Variants in CACNA1C observed in about 807,000 individuals in gnomAD.
The protein encoded by CACNA1C is calcium voltage-gated channel subunit alpha1 C, also known as voltage-dependent L-type calcium channel subunit alpha-1C.
CACNA1C carries 30 observed loss-of-function variants against 229.0 expected under a neutral mutation model. The ratio of observed to expected loss-of-function variants is 0.13; its 90% CI spans 0.10 to 0.18. The LOEUF (loss-of-function observed/expected upper bound fraction) is 0.18, where lower values mean the gene tolerates loss of function less well. Among genes scored for constraint, CACNA1C ranks in the 10% least tolerant of loss-of-function variants. CACNA1C has a pLI of 1.00. For synonymous variants in CACNA1C, 1,114 were observed against 1,132.5 expected (o/e 0.98, Z 0.33); for missense variants, 1,658 against 2,845.0 (o/e 0.58, Z 9.49).
At chr12:2,169,047 C>T (rs991652643) in intron 3 of CACNA1C, among the ~76,000 whole-genome samples, 2 of 152,126 alleles carry the variant, frequency 1.3e-5, no homozygotes, top group African/African-American at 4.8e-5. Context: ...AAAGTCCAGC[C>T]GCTCGCCTTC....
At chr12:2,025,970 A>G (rs1296131882) in intron 1 of CACNA1C, among the ~76,000 whole-genome samples, 1 of 152,254 alleles carries the variant, frequency 6.6e-6, no homozygotes, top group East Asian at 1.9e-4. Flanking sequence ...CAATAACAGA[A>G]CAAATTATTA....
Position 2,688,574 on chromosome 12 carries a change from C to T in CACNA1C, c.5912C>T (p.Thr1971Ile). Reference protein sequence around the residue: ...SRGWPPQPVPTLRLEGVESSE... With the variant: ...SRGWPPQPVPILRLEGVESSE... ...GGCTGGCCCCCACAGCCCGTCCCCACCCTGCGGCTTGAGGGGGTCGAGTCC... is the reference window on the plus strand; with the variant it reads ...GGCTGGCCCCCACAGCCCGTCCCCATCCTGCGGCTTGAGGGGGTCGAGTCC... Residue 1971 changes from threonine (T) to isoleucine (I), a missense_variant, in exon 46 of 47, where the codon ACC becomes ATC. By Grantham distance (89) the Thr-to-Ile change is moderately conservative (BLOSUM62 -1). Transcript: ENST00000399655. 1 of 1,614,034 alleles carries T rather than the reference C, an allele frequency of 6.2e-7. No homozygotes were observed. Among genetic ancestry groups the T allele is most frequent in the Non-Finnish European group, 8.5e-7 (1 of 1,179,900 alleles).
intron 15 of CACNA1C, among the ~76,000 whole-genome samples, chr12:2,583,248 G>A (rs1419289740): frequency 6.6e-6 from 1 of 152,240 alleles, no homozygotes; most frequent in Admixed American, 6.5e-5. Context: ...CCTGCGATAG[G>A]GACGCGCGGG....
rs745771028 is a variant in CACNA1C, at chr12:2,258,420, CAA to C, written c.477+137991_477+137992del. 8.5e-3 allele frequency among the ~76,000 whole-genome samples: 1,296 copies of C among 152,006 alleles called. 15 individuals are homozygous for C. Among genetic ancestry groups the C allele is most frequent in the African/African-American group, 0.03 (1,244 of 41,432 alleles). On this transcript the variant is annotated intron_variant, in intron 3 of 46. Transcript: ENST00000399655. The stretch of plus-strand genomic sequence containing the variant: ...AATTTTTGAAAACTCATTTTTTCCT[CAA>C]GTTTTTTTTTTAAATGTGAAATTTT...
chr12:2,258,057 A>G (rs947892808), intron 3 of CACNA1C, among the ~76,000 whole-genome samples: 1 of 152,276 alleles, frequency 6.6e-6, no homozygotes, highest in Admixed American at 6.5e-5. Context: ...AGAGGGAGGC[A>G]GAGTTTCTTT....
chr12:1,986,170 T>C (rs2037719181), intron 1 of CACNA1C, among the ~76,000 whole-genome samples: 1 of 152,228 alleles, frequency 6.6e-6, no homozygotes, highest in South Asian at 2.1e-4. Context: ...AGTCTGAATT[T>C]GGAATAATGG....
At chr12:2,047,253 C>A (rs1053343651) in intron 1 of CACNA1C, among the ~76,000 whole-genome samples, 1 of 152,174 alleles carries the variant, frequency 6.6e-6, no homozygotes, top group Admixed American at 6.5e-5. Flanking sequence ...GAATTCAGGG[C>A]ACATAGTAGA....
chr12:2,612,801 G>C (rs779242884), intron 29 of CACNA1C: 1 of 152,186 alleles, frequency 6.6e-6, no homozygotes, highest in Non-Finnish European at 1.5e-5. Context: ...TCAGAATCAC[G>C]GGTATCCACT....
At chr12:2,305,733 C>T (rs570392141) in intron 3 of CACNA1C, among the ~76,000 whole-genome samples, 1 of 152,284 alleles carries the variant, frequency 6.6e-6, no homozygotes, top group African/African-American at 2.4e-5. Context: ...ATCCCAGCTA[C>T]TCAGAAGGCT....
intron 29 of CACNA1C, among the ~76,000 whole-genome samples, chr12:2,622,966 C>T (rs963958309): frequency 1.3e-5 from 2 of 152,184 alleles, no homozygotes; most frequent in Non-Finnish European, 2.9e-5. Flanking sequence ...CAAGAAATGC[C>T]CTGCTCTTGG....
chr12:2,137,935 C>T (rs1030136675), intron 3 of CACNA1C, among the ~76,000 whole-genome samples: 1 of 151,436 alleles, frequency 6.6e-6, no homozygotes, highest in African/African-American at 2.4e-5. Context: ...CGACACATCG[C>T]CTCACACAGG....
chr12:2,519,388 C>T (rs765120482), intron 9 of CACNA1C, among the ~76,000 whole-genome samples: 4 of 152,212 alleles, frequency 2.6e-5, no homozygotes, highest in Non-Finnish European at 5.9e-5. Flanking sequence ...TCACACTGCC[C>T]CTGGACTGAG....
At position 2,551,900 on chromosome 12, in the gene CACNA1C, C is replaced by T. The variant is rs183026172; in HGVS notation, c.1481+1867C>T. 1.5e-3 allele frequency among the ~76,000 whole-genome samples: 226 copies of T among 152,058 alleles called. 1 individual carries two copies. Among genetic ancestry groups the T allele is most frequent in the African/African-American group, 5.1e-3 (213 of 41,474 alleles). On this transcript the variant is annotated intron_variant, in intron 10 of 46. Transcript: ENST00000399655. ...GCAGGAGCCCAGTTGGAGTGACCTG[C>T]GGGTGTCATGGAGACCACGAGATAC...
chr12:2,483,996 G>C (rs995680523), intron 5 of CACNA1C, among the ~76,000 whole-genome samples: 1 of 152,118 alleles, frequency 6.6e-6, no homozygotes, highest in Admixed American at 6.5e-5. Context: ...TATTTACTGA[G>C]TGCCCACATA....
At chr12:2,544,545 C>A (rs919878324) in intron 9 of CACNA1C, among the ~76,000 whole-genome samples, 5 of 152,172 alleles carry the variant, frequency 3.3e-5, no homozygotes, top group African/African-American at 9.7e-5. Flanking sequence ...AATTTTAAAT[C>A]ATTATAACTA....
rs2032072091 is a variant in CACNA1C at position 1,971,117 on chromosome 12, C to T, written c.55C>T (p.His19Tyr). ...GCCTGCATACCAGCCGCTTCCCAGC[C>T]ACCTGTCTGCCAACACGGAGGTCAA... Residue 19 changes from histidine to tyrosine, a missense_variant, in exon 1 of 47, where the codon CAC becomes TAC. By Grantham distance (83) the His-to-Tyr change is moderately conservative (BLOSUM62 2). Coordinates refer to the CACNA1C transcript ENST00000682462. The surrounding 1 kb of genome is among the most constrained non-coding windows in gnomAD (Gnocchi z 4.2). 2 of 1,289,340 alleles carry T rather than the reference C, an allele frequency of 1.6e-6. No individual in the cohort carries two copies. Among genetic ancestry groups the T allele is most frequent in the Non-Finnish European group, 1.0e-6 (1 of 988,566 alleles). 79.9% of individuals were successfully genotyped at this position (1,289,340 alleles called of 1,614,324 possible).
At chr12:2,433,346 C>T (rs2099104454) in intron 3 of CACNA1C, among the ~76,000 whole-genome samples, 1 of 152,162 alleles carries the variant, frequency 6.6e-6, no homozygotes, top group African/African-American at 2.4e-5. Flanking sequence ...GCAGTCTTAG[C>T]CTGGGTAAGC....
intron 1 of CACNA1C, among the ~76,000 whole-genome samples, chr12:2,008,661 C>A (rs1190546784): frequency 6.6e-6 from 1 of 152,084 alleles, no homozygotes; most frequent in African/African-American, 2.4e-5. Context: ...ATAGCAAGTC[C>A]TGTTCTCTCA....
At chr12:2,550,384 G>A (rs907187271) in intron 10 of CACNA1C, among the ~76,000 whole-genome samples, 2 of 152,052 alleles carry the variant, frequency 1.3e-5, no homozygotes, top group Admixed American at 6.5e-5. Context: ...AGTCCCTTTC[G>A]CCCCTCTTCA....
Sources: allele counts gnomAD v4.1 joint callset (sites outside exome capture counted in the v4.1 genomes callset), GRCh38; gene constraint gnomAD v4.1.1; non-coding constraint Gnocchi (gnomAD v3.1); transcripts MANE v1.5; gene names NCBI Gene and HGNC (gene_info 2026-07-23, HGNC 2026-07-21).